Variants in NINL observed in about 807,000 individuals in gnomAD.
NINL encodes ninein like.
NINL carries 153 observed loss-of-function variants against 160.3 expected under a neutral mutation model. The observed-to-expected ratio is 0.95, with a 90% CI of 0.84 to 1.09. The LOEUF is 1.09. Ranked by LOEUF, NINL falls within the 50% of genes least tolerant of loss-of-function variation. The pLI, the probability that NINL is intolerant of heterozygous loss-of-function variation, is 0.00. For missense variants in NINL, 1,829 were observed against 1,764.0 expected, an observed-to-expected ratio of 1.04 and a Z score of -0.66; for synonymous variants, 800 against 734.8, an observed-to-expected ratio of 1.09 and a Z score of -1.43.
rs2064695151 is a variant in NINL at position 25,543,528 on chromosome 20, G to T, written c.-11-16930C>A. Among the ~76,000 whole-genome samples the T allele has an allele frequency of 2.0e-5, 3 of 152,128 alleles. No homozygotes were observed. The South Asian group carries it at 6.2e-4, about 32-fold the overall frequency. On this transcript the variant is annotated intron_variant, in intron 1 of 23. Transcript: ENST00000278886. ...GTTTCATGCCCAACTAAATTGAAAG[G>T]AAAATCCTAACTTTCGACGCCTAAG...
intron 1 of NINL, among the ~76,000 whole-genome samples, chr20:25,573,262 A>C (rs1485627967): frequency 6.6e-6 from 1 of 151,166 alleles, no homozygotes; most frequent in African/African-American, 2.4e-5. Context: ...ACACCACTGC[A>C]CTCCAGCCTG....
At chr20:25,545,399 A>T (rs2147072523) in intron 1 of NINL, among the ~76,000 whole-genome samples, 1 of 152,316 alleles carries the variant, frequency 6.6e-6, no homozygotes, top group African/African-American at 2.4e-5. Flanking sequence ...CTTAGACTGT[A>T]GACCTAAAGT....
intron 2 of NINL, among the ~76,000 whole-genome samples, chr20:25,519,989 CAAAAAAAAAAAAAAA>C (rs59160061): frequency 1.2e-3 from 14 of 12,128 alleles, no homozygotes; most frequent in East Asian, 3.7e-3. Flanking sequence ...GACCCCGTCT[CAAAAAAAAAAAAAAA>C]AAAAAAAAAA....
At chr20:25,458,782 A>C in intron 21 of NINL, 2 of 484,140 alleles carry the variant, frequency 4.1e-6, no homozygotes, top group South Asian at 3.5e-5. Flanking sequence ...GGTGACGCTG[A>C]CCTCCTGTCA....
chr20:25,484,603 G>A (rs2063470733), intron 13 of NINL, among the ~76,000 whole-genome samples: 1 of 152,232 alleles, frequency 6.6e-6, no homozygotes. Context: ...AAACCATAGG[G>A]AGGAAATGGG....
intron 16 of NINL, among the ~76,000 whole-genome samples, chr20:25,478,681 A>G (rs917347170): frequency 2.6e-5 from 4 of 152,230 alleles, no homozygotes; most frequent in Non-Finnish European, 5.9e-5. Flanking sequence ...CAGAGGGTAC[A>G]GAACACTGGG....
chr20:25,504,466 C>T (rs1012098016), intron 6 of NINL, among the ~76,000 whole-genome samples: 4 of 152,200 alleles, frequency 2.6e-5, no homozygotes, highest in African/African-American at 9.7e-5. Context: ...AGAAGAACTC[C>T]AGCAAGGCAG....
At chr20:25,575,792 A>C (rs908265758) in intron 1 of NINL, among the ~76,000 whole-genome samples, 1 of 152,130 alleles carries the variant, frequency 6.6e-6, no homozygotes, top group Middle Eastern at 3.2e-3. Context: ...AGAATAGTAC[A>C]AAAAATTCTC....
chr20:25,487,628 T>C lies in NINL; in HGVS notation c.1677+1616A>G, dbSNP rs2063530153. 1.3e-5 allele frequency among the ~76,000 whole-genome samples: 2 copies of C among 152,252 alleles called. 1 individual carries two copies. The stretch of plus-strand genomic sequence containing the variant: ...GAAAAAAATGTTTCTGTACAAGTTT[T>C]ACATAAATTAACTTTTGGTAAATTA... On this transcript the variant is annotated intron_variant, in intron 13 of 23. Transcript: ENST00000278886.
rs889293489 is a variant in NINL, at chr20:25,510,834, T to C, written c.451-94A>G. ...AAATAGAGCAGGATGTTTGGGGAAG[T>C]GGGGGATGGCTGAGTATGGAGTCAA... On this transcript the variant is annotated intron_variant, in intron 4 of 23. Coordinates refer to ENST00000278886, the MANE Select transcript of NINL (RefSeq NM_025176.6). 4.2e-6 allele frequency: 4 copies of C among 956,580 alleles called. No individual in the cohort carries two copies. In the African/African-American group the frequency reaches 4.9e-5, roughly 12 times the overall value. The allele number at this position is 956,580 out of a possible 1,614,324, so 59.3% of individuals were successfully genotyped here. A position where few individuals can be genotyped will look rare whatever the true frequency, so the allele number is the denominator to read the frequency against.
At chr20:25,497,934 G>A (rs1021712772) in intron 9 of NINL, among the ~76,000 whole-genome samples, 1 of 152,216 alleles carries the variant, frequency 6.6e-6, no homozygotes, top group African/African-American at 2.4e-5. Context: ...AGACTCAGAC[G>A]GCACAGGTCC....
chr20:25,537,837 A>G (rs983708566), intron 1 of NINL, among the ~76,000 whole-genome samples: 2 of 152,188 alleles, frequency 1.3e-5, no homozygotes, highest in Admixed American at 6.5e-5. Flanking sequence ...ACAGGCCACC[A>G]TTAACGGGGC....
intron 22 of NINL, 133 bp from the exon 23 acceptor site, chr20:25,455,919 C>A: frequency 1.5e-6 from 1 of 670,012 alleles, no homozygotes; most frequent in South Asian, 1.7e-5. Context: ...ATGGTGAAAC[C>A]CCATCTCTAC....
chr20:25,475,682 A>G (rs432403), intron 17 of NINL, among the ~76,000 whole-genome samples: 4,139 of 152,256 alleles, frequency 0.027, 182 homozygotes, highest in African/African-American at 0.091. Context: ...TAACATGGTG[A>G]AACCCCGTCT....
At chr20:25,532,877 A>G (rs1183369018) in intron 1 of NINL, among the ~76,000 whole-genome samples, 1 of 152,202 alleles carries the variant, frequency 6.6e-6, no homozygotes, top group Non-Finnish European at 1.5e-5. Context: ...CCCCAGGAAG[A>G]GGGGCAAAGC....
chr20:25,482,048 G>T lies in NINL; in HGVS notation c.1730C>A (p.Ala577Glu). 6.3e-7 allele frequency: 1 copy of T among 1,598,516 alleles called. No individual in the cohort carries two copies. The highest frequency in any genetic ancestry group is 8.5e-7 in the Non-Finnish European group (1 of 1,179,750). The part of the protein sequence containing the change: ...ELQAELEGLW[A>E]RLPKNRHSPS... ...GCTGTGCCGGTTCTTGGGCAGCCGCGCCCACAGGCCTTCCAGCTCAGCTTG... is the reference window on the plus strand; with the variant it reads ...GCTGTGCCGGTTCTTGGGCAGCCGCTCCCACAGGCCTTCCAGCTCAGCTTG... Residue 577 changes from alanine to glutamate, a missense_variant, in exon 14 of 24, where the codon GCG (alanine) becomes GAG (glutamate). Physicochemically the swap from Ala to Glu is moderately radical, Grantham distance 107. Coordinates refer to ENST00000278886, the MANE Select transcript of NINL (RefSeq NM_025176.6).
rs2062995132 is a variant in NINL, at chr20:25,468,754, CCCCGA to C, written c.3353+1232_3353+1236del. The stretch of plus-strand genomic sequence containing the variant: ...CTGGTAGGCGCCCCCCTGCCCTGTC[CCCCGA>C]CTCTCACTGGTGGGCGCCCGCTTGC... On this transcript the variant is annotated intron_variant, in intron 18 of 23. Coordinates refer to ENST00000278886, the MANE Select transcript of NINL (RefSeq NM_025176.6). 2.1e-5 allele frequency among the ~76,000 whole-genome samples: 3 copies of C among 144,478 alleles called. 1 individual carries two copies. Among genetic ancestry groups the C allele is most frequent in the African/African-American group, 7.8e-5 (3 of 38,596 alleles). The allele number at this position is 144,478 out of a possible 152,430, so 94.8% of individuals were successfully genotyped here. A position where few individuals can be genotyped will look rare whatever the true frequency, so the allele number is the denominator to read the frequency against.
At chr20:25,467,571 GC>G in intron 18 of NINL, 113 bp from the exon 19 acceptor site, 1 of 763,676 alleles carries the variant, frequency 1.3e-6, no homozygotes, top group East Asian at 2.6e-5. Flanking sequence ...CAGCAGAGAC[GC>G]CCACACCTGC....
chr20:25,520,509 A>C (rs566670358), intron 2 of NINL, among the ~76,000 whole-genome samples: 1 of 152,184 alleles, frequency 6.6e-6, no homozygotes, highest in Non-Finnish European at 1.5e-5. Context: ...TCTGCCCCCC[A>C]GTTAAAATGT....
Sources: allele counts gnomAD v4.1 joint callset (sites outside exome capture counted in the v4.1 genomes callset), GRCh38; gene constraint gnomAD v4.1.1; transcripts MANE v1.5; gene names NCBI Gene and HGNC (gene_info 2026-07-23, HGNC 2026-07-21).